The following SPAG16 variants were observed in gnomAD, a reference collection of about 807,000 sequenced individuals.
SPAG16 encodes the protein sperm-associated antigen 16 protein.
In SPAG16, 86 loss-of-function variants were observed where a neutral mutation model predicts 80.4. That is an observed-to-expected ratio of 1.07 (90% CI 0.90 to 1.28). SPAG16 has a LOEUF of 1.28. Among genes scored for constraint, SPAG16 ranks in the 50% most tolerant of loss-of-function variants. SPAG16 has a pLI of 0.00. For synonymous variants in SPAG16, 294 were observed against 265.9 expected (o/e 1.11, Z -1.03); for missense variants, 870 against 765.3 (o/e 1.14, Z -1.61).
chr2:214,373,844 A>G (rs1699962265), intron 15 of SPAG16, among the ~76,000 whole-genome samples: 1 of 152,230 alleles, frequency 6.6e-6, no homozygotes, highest in South Asian at 2.1e-4. Context: ...AATCATGGTT[A>G]TATTTGAAAG....
At chr2:213,310,670 A>G (rs1240853922) in intron 4 of SPAG16, among the ~76,000 whole-genome samples, 1 of 151,766 alleles carries the variant, frequency 6.6e-6, no homozygotes, top group Non-Finnish European at 1.5e-5. Context: ...CTTCAGTTAG[A>G]AGTAAGTGGA....
At chr2:213,947,650 A>G (rs2079534429) in intron 12 of SPAG16, among the ~76,000 whole-genome samples, 1 of 152,142 alleles carries the variant, frequency 6.6e-6, no homozygotes, top group Non-Finnish European at 1.5e-5. Flanking sequence ...TAATTTTTCC[A>G]ATACCATATG....
chr2:213,377,553 A>C (rs1461615404), intron 9 of SPAG16, among the ~76,000 whole-genome samples: 1 of 152,178 alleles, frequency 6.6e-6, no homozygotes, highest in Non-Finnish European at 1.5e-5. Context: ...CCTAACCCTC[A>C]GCTGAGGACT....
At chr2:214,018,476 TAA>T (rs1265704850) in intron 13 of SPAG16, among the ~76,000 whole-genome samples, 1 of 152,164 alleles carries the variant, frequency 6.6e-6, no homozygotes, top group Non-Finnish European at 1.5e-5. Context: ...CCAGATTAGC[TAA>T]AGTTTTTTTC....
At chr2:213,448,625 C>T (rs999778803) in intron 9 of SPAG16, among the ~76,000 whole-genome samples, 1 of 152,174 alleles carries the variant, frequency 6.6e-6, no homozygotes, top group Non-Finnish European at 1.5e-5. Context: ...TGCAGGAAGT[C>T]AGGGACCCAA....
chr2:214,073,836 C>G (rs575167260), intron 13 of SPAG16, among the ~76,000 whole-genome samples: 1 of 152,038 alleles, frequency 6.6e-6, no homozygotes, highest in African/African-American at 2.4e-5. Flanking sequence ...GATATTGGCT[C>G]AAAAATAGAC....
At chr2:213,973,646 T>G (rs1378900734) in intron 12 of SPAG16, among the ~76,000 whole-genome samples, 1 of 151,912 alleles carries the variant, frequency 6.6e-6, no homozygotes, top group East Asian at 1.9e-4. Context: ...CTTTTTTTTT[T>G]TTTTGATTCG....
intron 14 of SPAG16, among the ~76,000 whole-genome samples, chr2:214,133,526 G>T (rs2054892948): frequency 6.6e-6 from 1 of 151,872 alleles, no homozygotes; most frequent in African/African-American, 2.4e-5. Flanking sequence ...GCGTGATGAT[G>T]CATGCCTGTA....
At chr2:213,600,989 T>A (rs1455586241) in intron 10 of SPAG16, among the ~76,000 whole-genome samples, 1 of 152,202 alleles carries the variant, frequency 6.6e-6, no homozygotes. Context: ...TTTTTATATA[T>A]CCTTTGTCTT....
chr2:213,893,339 A>G (rs2106088680), intron 11 of SPAG16, among the ~76,000 whole-genome samples: 1 of 152,302 alleles, frequency 6.6e-6, no homozygotes, highest in Non-Finnish European at 1.5e-5. Context: ...TGAAAGAAAA[A>G]AAAATGTGAA....
intron 15 of SPAG16, among the ~76,000 whole-genome samples, chr2:214,384,470 T>G (rs1378531052): frequency 6.6e-6 from 1 of 152,176 alleles, no homozygotes; most frequent in Non-Finnish European, 1.5e-5. Flanking sequence ...GGAAACTGTG[T>G]TGGGTTTCAG....
At chr2:213,857,666 A>G (rs574583407) in intron 10 of SPAG16, among the ~76,000 whole-genome samples, 2 of 152,332 alleles carry the variant, frequency 1.3e-5, no homozygotes, top group African/African-American at 4.8e-5. Context: ...ATGCCTGCTG[A>G]CAGAACATCA....
intron 15 of SPAG16, among the ~76,000 whole-genome samples, chr2:214,233,392 G>A (rs1416224521): frequency 6.8e-6 from 1 of 147,112 alleles, no homozygotes; most frequent in Non-Finnish European, 1.5e-5. Context: ...TGGTAGAATA[G>A]ATGGATGGAT....
At position 214,165,240 on chromosome 2, in the gene SPAG16, A is replaced by G. The variant is rs557053099; in HGVS notation, c.1720+15974A>G. On this transcript the variant is annotated intron_variant, in intron 15 of 15. Coordinates refer to ENST00000331683, the MANE Select transcript of SPAG16 (RefSeq NM_024532.5). ...GGGGGAAAACTATTATATCAGTGAG[A>G]ATTTTGGAGTATTTTGCTTATTCTT... Among the ~76,000 whole-genome samples, 4 of 152,106 alleles carry G rather than the reference A, an allele frequency of 2.6e-5. No homozygotes were observed. The South Asian group carries it at 8.3e-4, about 32-fold the overall frequency.
At chr2:213,635,729 G>T (rs1055071441) in intron 10 of SPAG16, among the ~76,000 whole-genome samples, 1 of 152,040 alleles carries the variant, frequency 6.6e-6, no homozygotes, top group Non-Finnish European at 1.5e-5. Context: ...GCACTCCCTT[G>T]TTTCTTGACC....
chr2:213,494,002 CA>C (rs2074378244), intron 10 of SPAG16, among the ~76,000 whole-genome samples: 3 of 152,150 alleles, frequency 2.0e-5, no homozygotes, highest in Admixed American at 2.0e-4. Context: ...CCGTGTCCAC[CA>C]CCAGTCATCA....
chr2:213,772,163 T>C (rs925036622), intron 10 of SPAG16, among the ~76,000 whole-genome samples: 1 of 152,220 alleles, frequency 6.6e-6, no homozygotes, highest in Admixed American at 6.5e-5. Context: ...TTCACTTTCC[T>C]TGTTATCTGT....
At chr2:214,003,831 T>C (rs1451480132) in intron 12 of SPAG16, among the ~76,000 whole-genome samples, 1 of 152,208 alleles carries the variant, frequency 6.6e-6, no homozygotes, top group Non-Finnish European at 1.5e-5. Flanking sequence ...CTGACAAATG[T>C]ACGTTCTCTC....
intron 15 of SPAG16, among the ~76,000 whole-genome samples, chr2:214,365,089 G>A (rs1699392894): frequency 6.6e-6 from 1 of 152,132 alleles, no homozygotes; most frequent in African/African-American, 2.4e-5. Flanking sequence ...GCTGCTAGAG[G>A]ATAAGGAAGA....
Sources: allele counts gnomAD v4.1 joint callset (sites outside exome capture counted in the v4.1 genomes callset), GRCh38; gene constraint gnomAD v4.1.1; transcripts MANE v1.5; gene names NCBI Gene and HGNC (gene_info 2026-07-23, HGNC 2026-07-21).